The following C6orf120 variants were observed in gnomAD, a reference collection of about 807,000 sequenced individuals.
The protein encoded by C6orf120 is UPF0669 protein C6orf120.
For missense variants in C6orf120, 311 were observed against 264.2 expected (o/e 1.18, Z -1.23); for synonymous variants, 165 against 123.1 (o/e 1.34, Z -2.25).
chr6:169,704,167 C>T (rs1788687477), exon 1 of C6orf120: 5 of 1,022,856 alleles, frequency 4.9e-6, no homozygotes, highest in Non-Finnish European at 7.0e-6. Context: ...ACTCTTCTGC[C>T]TTAGCTATCA....
At chr6:169,702,459 C>G in exon 1 of C6orf120, 1 of 1,530,578 alleles carries the variant, frequency 6.5e-7, no homozygotes, top group Non-Finnish European at 8.8e-7. Flanking sequence ...AGCCGCCAGC[C>G]ATGGCCGCTC....
At chr6:169,705,584 T>C (rs373616681), downstream of C6orf120, 3 of 1,110,748 alleles carry the variant, frequency 2.7e-6, no homozygotes, top group Non-Finnish European at 4.1e-6. Flanking sequence ...AATACGGTGG[T>C]TAAAATTTTA....
chr6:169,702,537 G>C (rs113807887), exon 1 of C6orf120: 10 of 1,611,632 alleles, frequency 6.2e-6, no homozygotes, highest in African/African-American at 5.3e-5. Flanking sequence ...TCCTGTCTCC[G>C]GGAAGCTGCG....
At chr6:169,703,426 G>A (rs1396372921) in exon 1 of C6orf120, 1 of 239,700 alleles carries the variant, frequency 4.2e-6, no homozygotes, top group Non-Finnish European at 8.9e-6. Flanking sequence ...GTTTTCAAGA[G>A]TTACTAAAAT....
exon 1 of C6orf120, chr6:169,704,384 C>G (rs1308046729): frequency 8.7e-6 from 3 of 344,352 alleles, no homozygotes; most frequent in East Asian, 9.9e-5. Flanking sequence ...TATCATACTT[C>G]AAAAGGTCAA....
At chr6:169,702,688 G>T in exon 1 of C6orf120, 1 of 1,613,492 alleles carries the variant, frequency 6.2e-7, no homozygotes, top group Non-Finnish European at 8.5e-7. Flanking sequence ...GGGAGATGCG[G>T]ATCTGTACGT....
chr6:169,706,290 C>T (rs563675261), downstream of C6orf120, among the ~76,000 whole-genome samples: 23 of 151,422 alleles, frequency 1.5e-4, no homozygotes, highest in South Asian at 6.3e-4. Flanking sequence ...TGTACATAAA[C>T]GTTTGTGGAA....
upstream of C6orf120, chr6:169,702,146 T>C (rs1464896896): frequency 1.7e-6 from 1 of 605,032 alleles, no homozygotes; most frequent in Non-Finnish European, 3.1e-6. Flanking sequence ...CCGGCGAGGC[T>C]CCGGCCTCGG....
At chr6:169,704,095 A>G (rs1788683815) in exon 1 of C6orf120, 2 of 1,573,768 alleles carry the variant, frequency 1.3e-6, no homozygotes, top group Non-Finnish European at 1.7e-6. Flanking sequence ...CGACCTAGGA[A>G]AAAAATTGTT....
chr6:169,705,480 T>C, downstream of C6orf120: 1 of 708,914 alleles, frequency 1.4e-6, no homozygotes, highest in Non-Finnish European at 2.5e-6. Context: ...ACATGGGCTG[T>C]GTCTATGCCT....
chr6:169,702,863 A>G, exon 1 of C6orf120: 1 of 1,611,922 alleles, frequency 6.2e-7, no homozygotes, highest in African/African-American at 1.3e-5. Flanking sequence ...AAGGTGTACT[A>G]CGACGGCACG....
chr6:169,702,946 G>C (rs1788482932), exon 1 of C6orf120: 1 of 1,611,164 alleles, frequency 6.2e-7, no homozygotes. Context: ...GCACGCTGGT[G>C]CCCCGGAAGA....
chr6:169,704,298 G>T, exon 1 of C6orf120: 2 of 505,734 alleles, frequency 4.0e-6, no homozygotes. Flanking sequence ...GCAAGTCAAG[G>T]GGGATGGGAG....
chr6:169,703,889 G>A (rs1788636374), exon 1 of C6orf120: 10 of 759,434 alleles, frequency 1.3e-5, no homozygotes, highest in Non-Finnish European at 2.1e-5. Flanking sequence ...AATAACTGCA[G>A]ATTTTAAGCT....
chr6:169,704,171 G>T, exon 1 of C6orf120: 1 of 965,240 alleles, frequency 1.0e-6, no homozygotes, highest in Non-Finnish European at 1.5e-6. Context: ...TTCTGCCTTA[G>T]CTATCACTAA....
downstream of C6orf120, chr6:169,705,605 T>G (rs1788755316): frequency 7.9e-7 from 1 of 1,261,402 alleles, no homozygotes; most frequent in Non-Finnish European, 1.2e-6. Context: ...AAAAGACATT[T>G]CAATACTTAC....
chr6:169,702,815 A>G (rs1788453817), exon 1 of C6orf120: 12 of 1,612,696 alleles, frequency 7.4e-6, no homozygotes, highest in African/African-American at 1.3e-5. Flanking sequence ...ATCGGCGTCT[A>G]TGGACACCCC....
exon 1 of C6orf120, chr6:169,704,155 A>G: frequency 8.3e-7 from 1 of 1,200,748 alleles, no homozygotes; most frequent in South Asian, 1.6e-5. Flanking sequence ...AAGCCCATCT[A>G]AACTCTTCTG....
At chr6:169,705,759 A>G (rs1788762830), downstream of C6orf120, 1 of 1,003,784 alleles carries the variant, frequency 1.0e-6, no homozygotes, top group Non-Finnish European at 1.6e-6. Flanking sequence ...AATTCATGCC[A>G]GAAGAGCTTA....
Sources: gnomAD v4.1 joint callset for allele counts (sites outside exome capture counted in the v4.1 genomes callset) on GRCh38, gnomAD v4.1.1 for gene constraint, MANE v1.5 for transcripts, NCBI Gene and HGNC (gene_info 2026-07-23, HGNC 2026-07-21) for gene names.